Variants in CDH4 observed in about 807,000 individuals in gnomAD.
CDH4 encodes the protein cadherin-4.
In CDH4, 33 loss-of-function variants were observed where a neutral mutation model predicts 86.0. The observed-to-expected ratio is 0.38, with a 90% CI of 0.29 to 0.51. The LOEUF (loss-of-function observed/expected upper bound fraction) is 0.51. Among genes scored for constraint, CDH4 ranks in the 20% least tolerant of loss-of-function variants. The pLI is 0.86. For synonymous variants in CDH4, 555 were observed against 549.4 expected (o/e 1.01, Z -0.14); for missense variants, 1,114 against 1,307.4 (o/e 0.85, Z 2.28).
At chr20:61,570,380 G>C (rs2145704388) in intron 2 of CDH4, 1 of 372,530 alleles carries the variant, frequency 2.7e-6, no homozygotes, top group Non-Finnish European at 4.9e-6. Context: ...GAGTGCCCTG[G>C]TTGGGACCAG....
intron 9 of CDH4, among the ~76,000 whole-genome samples, chr20:61,912,281 T>G (rs1487333930): frequency 2.0e-5 from 3 of 152,126 alleles, no homozygotes; most frequent in Non-Finnish European, 4.4e-5. Flanking sequence ...TATCCCAAAC[T>G]TCTCCTAAGG....
chr20:61,705,793 G>T lies in CDH4; in HGVS notation c.170-37770G>T, dbSNP rs551159152. Among the ~76,000 whole-genome samples the T allele has an allele frequency of 2.6e-5, 4 of 152,332 alleles. No homozygotes were observed. The South Asian group carries it at 8.3e-4, about 32-fold the overall frequency. ...AAATGTGGTGGATGCCTGCAGAATCGCCGACAGGCTCCATTTGCAAGGGGC... is the reference window on the plus strand; with the variant it reads ...AAATGTGGTGGATGCCTGCAGAATCTCCGACAGGCTCCATTTGCAAGGGGC... On this transcript the variant is annotated intron_variant, in intron 2 of 15. Coordinates refer to ENST00000614565, the MANE Select transcript of CDH4 (RefSeq NM_001794.5).
chr20:61,629,033 GCT>G, intron 2 of CDH4, among the ~76,000 whole-genome samples: 2 of 152,358 alleles, frequency 1.3e-5, no homozygotes, highest in East Asian at 3.9e-4. Context: ...AGCTTCCCAG[GCT>G]CTCTCTGCGG....
At chr20:61,406,206 C>T (rs574564872) in intron 2 of CDH4, among the ~76,000 whole-genome samples, 1 of 152,150 alleles carries the variant, frequency 6.6e-6, no homozygotes, top group Non-Finnish European at 1.5e-5. Flanking sequence ...TGGTTTCACC[C>T]CAGACCACCA....
chr20:61,489,745 A>C (rs551722901), intron 2 of CDH4, among the ~76,000 whole-genome samples: 1 of 152,350 alleles, frequency 6.6e-6, no homozygotes, highest in South Asian at 2.1e-4. Flanking sequence ...TCCTCAATTC[A>C]TAGGTTAAGA....
intron 2 of CDH4, among the ~76,000 whole-genome samples, chr20:61,413,537 G>A (rs1192224856): frequency 6.6e-6 from 1 of 152,178 alleles, no homozygotes; most frequent in Admixed American, 6.5e-5. Context: ...TGCACGGGAT[G>A]GCATGCTGTG....
intron 15 of CDH4, among the ~76,000 whole-genome samples, chr20:61,936,044 G>A (rs2055179123): frequency 6.6e-6 from 1 of 152,052 alleles, no homozygotes; most frequent in South Asian, 2.1e-4. Flanking sequence ...GCACCCGCGG[G>A]CACTGAGGAG....
At chr20:61,850,981 A>T (rs1881015417) in intron 5 of CDH4, among the ~76,000 whole-genome samples, 2 of 152,206 alleles carry the variant, frequency 1.3e-5, no homozygotes, top group African/African-American at 4.8e-5. Context: ...GTTAGGAGAT[A>T]ATAACTTTAA....
At chr20:61,615,496 G>A (rs574885389) in intron 2 of CDH4, among the ~76,000 whole-genome samples, 8 of 152,282 alleles carry the variant, frequency 5.3e-5, no homozygotes, top group African/African-American at 9.6e-5. Flanking sequence ...GAGTGCCCAC[G>A]TGCAGCTTAT....
intron 4 of CDH4, among the ~76,000 whole-genome samples, chr20:61,841,033 G>A (rs930762225): frequency 3.3e-5 from 5 of 152,280 alleles, no homozygotes; most frequent in African/African-American, 4.8e-5. Context: ...GGATTGATTC[G>A]CCCAAAACTA....
In CDH4 at chr20:61,910,582, A is replaced by G. The variant is rs368608492; in HGVS notation, c.1349A>G (p.Asn450Ser). ...AGCGTCCGCACAGACCCCGTAACCA[A>G]CGAGGGCATGGTCACCGTGGTGAAG... is the stretch of plus-strand genomic sequence containing the variant. ...HFSVRTDPVT[N>S]EGMVTVVKAV... Residue 450 changes from asparagine to serine, a missense_variant, in exon 9 of 16, where the codon AAC becomes AGC. This residue lies in a region of CDH4 where 705 missense variants were observed against 914.1 expected (regional missense o/e 0.77). Transcript: ENST00000614565. 5.0e-6 allele frequency: 8 copies of G among 1,613,522 alleles called. No homozygotes were observed. In the African/African-American group the frequency reaches 1.1e-4, roughly 22 times the overall value.
chr20:61,820,665 T>C (rs1367047142), intron 4 of CDH4, among the ~76,000 whole-genome samples: 1 of 152,190 alleles, frequency 6.6e-6, no homozygotes, highest in African/African-American at 2.4e-5. Context: ...CCCATCCCTC[T>C]TGTGTTCTTG....
chr20:61,869,255 C>A (rs570065316), intron 6 of CDH4, among the ~76,000 whole-genome samples: 208 of 152,308 alleles, frequency 1.4e-3, no homozygotes, highest in Non-Finnish European at 2.5e-3. Context: ...AAAGAGCATA[C>A]AGCAGAGGTC....
chr20:61,901,968 G>A (rs556809921), intron 8 of CDH4, among the ~76,000 whole-genome samples: 3 of 152,304 alleles, frequency 2.0e-5, no homozygotes, highest in East Asian at 3.9e-4. Context: ...TTGACTCACC[G>A]CCACTAGTCT....
Position 61,663,336 on chromosome 20 carries a change from G to C in CDH4, c.170-80227G>C, listed in dbSNP as rs2087282405. Among the ~76,000 whole-genome samples, 1 of 152,254 alleles carries C rather than the reference G, an allele frequency of 6.6e-6. No homozygotes were observed. The highest frequency in any genetic ancestry group is 1.5e-5 in the Non-Finnish European group (1 of 68,050). On this transcript the variant is annotated intron_variant, in intron 2 of 15. Coordinates refer to ENST00000614565, the MANE Select transcript of CDH4 (RefSeq NM_001794.5). This position sits in a 1 kb window ranked among gnomAD's most constrained non-coding sequence, Gnocchi z 5.0. ...GCCTGTGCTGCGGAGCTCCTGGGAG[G>C]GTGACGCTGGGGCAGGGGCTGCTGC... is the stretch of plus-strand genomic sequence containing the variant.
chr20:61,468,260 GA>G (rs891301451), intron 2 of CDH4, among the ~76,000 whole-genome samples: 5 of 152,290 alleles, frequency 3.3e-5, no homozygotes, highest in African/African-American at 1.2e-4. Context: ...GGTGCCCAGG[GA>G]AAGAAATACA....
chr20:61,330,925 G>A (rs752137929), intron 2 of CDH4, among the ~76,000 whole-genome samples: 30 of 152,084 alleles, frequency 2.0e-4, no homozygotes, highest in Admixed American at 1.0e-3. Context: ...CCTCCCCTGA[G>A]TTCCCCTGCA....
intron 2 of CDH4, among the ~76,000 whole-genome samples, chr20:61,594,320 C>G (rs558628818): frequency 7.2e-4 from 109 of 151,856 alleles, no homozygotes; most frequent in African/African-American, 2.5e-3. Context: ...ACTTCCAGTG[C>G]TGGTGCCTGA....
At chr20:61,763,238 A>G (rs1039685313) in intron 3 of CDH4, among the ~76,000 whole-genome samples, 1 of 152,116 alleles carries the variant, frequency 6.6e-6, no homozygotes, top group African/African-American at 2.4e-5. Context: ...AATGACTTCG[A>G]CTAGGACAAG....
Sources: gnomAD v4.1 joint callset for allele counts (sites outside exome capture counted in the v4.1 genomes callset) on GRCh38, gnomAD v4.1.1 for gene constraint, gnomAD v4.1.1 regional missense constraint, Gnocchi (gnomAD v3.1) non-coding constraint, MANE v1.5 for transcripts, NCBI Gene and HGNC (gene_info 2026-07-23, HGNC 2026-07-21) for gene names.